MATN2: variants seen among roughly 807,000 people sequenced by gnomAD.
MATN2 encodes the protein matrilin-2.
Under a neutral mutation model 103.2 loss-of-function variants are expected in MATN2, and 69 were observed. That is an observed-to-expected ratio of 0.67 (90% CI 0.55 to 0.82). The LOEUF (loss-of-function observed/expected upper bound fraction) is 0.82. Ranked by LOEUF, MATN2 falls within the 40% of genes least tolerant of loss-of-function variation. The probability of loss-of-function intolerance (pLI) is 0.00; values close to 1 mark genes in which losing one functional copy is unlikely to be tolerated. For missense variants in MATN2, 1,023 were observed against 1,211.5 expected (o/e 0.84, Z 2.31); for synonymous variants, 429 against 450.2 (o/e 0.95, Z 0.60).
chr8:98,035,889 A>C lies in MATN2; in HGVS notation c.*177A>C. 2.4e-6 allele frequency: 1 copy of C among 415,574 alleles called. No individual in the cohort carries two copies. Among genetic ancestry groups the C allele is most frequent in the Non-Finnish European group, 4.3e-6 (1 of 230,866 alleles). The allele number at this position is 415,574 out of a possible 1,614,324, so 25.7% of individuals were successfully genotyped here. Reference sequence around the variant, plus strand: ...CAAGAAGTATACACTAACTTGTATAAATTTATCTAGGAAAAAAATCCTTCA... The same window carrying C: ...CAAGAAGTATACACTAACTTGTATACATTTATCTAGGAAAAAAATCCTTCA... On this transcript the variant is annotated 3_prime_UTR_variant, in exon 19 of 19. Coordinates refer to ENST00000254898, the MANE Select transcript of MATN2 (RefSeq NM_002380.5).
chr8:97,934,399 C>T (rs1361259576), intron 3 of MATN2, among the ~76,000 whole-genome samples: 1 of 152,170 alleles, frequency 6.6e-6, no homozygotes, highest in East Asian at 1.9e-4. Context: ...CACTGAGGAC[C>T]GATGGGCTAG....
Position 98,032,295 on chromosome 8 carries a change from A to G in MATN2, c.2559A>G (p.Pro853=). ...AGGACTCTCCAGCAGGGGAACTGCCAAAAACGGTCCAACAGCCAACAGGTA... is the reference window on the plus strand; with the variant it reads ...AGGACTCTCCAGCAGGGGAACTGCCGAAAACGGTCCAACAGCCAACAGGTA... ...GRQDSPAGEL[P]KTVQQPTESE... is the part of the protein sequence containing the mutation. Residue 853 remains proline, a synonymous_variant, in exon 16 of 19, where the codon CCA becomes CCG. Coordinates refer to ENST00000254898, the MANE Select transcript of MATN2 (RefSeq NM_002380.5). The G allele has an allele frequency of 3.1e-6, 5 of 1,611,410 alleles. No individual in the cohort carries two copies. The South Asian group carries it at 5.5e-5, about 18-fold the overall frequency.
intron 2 of MATN2, among the ~76,000 whole-genome samples, chr8:97,892,415 CAAAAAAA>C (rs35181049): frequency 1.9e-4 from 15 of 78,014 alleles, no homozygotes; most frequent in Admixed American, 1.7e-3. Context: ...GACCCTGTCT[CAAAAAAA>C]AAAAAAAAAA....
chr8:98,021,362 T>G, intron 13 of MATN2, 35 bp downstream of exon 13: 1 of 1,603,702 alleles, frequency 6.2e-7, no homozygotes, highest in Non-Finnish European at 8.5e-7. Flanking sequence ...TGCTTTAATT[T>G]TGTTTTGGAG....
chr8:97,968,569 T>A (rs1289479618), intron 5 of MATN2, among the ~76,000 whole-genome samples: 2 of 152,242 alleles, frequency 1.3e-5, no homozygotes, highest in Non-Finnish European at 2.9e-5. Flanking sequence ...CCCTCTTAAA[T>A]TCAAACTTCC....
At chr8:97,950,300 A>G (rs1810902342) in intron 4 of MATN2, among the ~76,000 whole-genome samples, 1 of 152,176 alleles carries the variant, frequency 6.6e-6, no homozygotes, top group African/African-American at 2.4e-5. Flanking sequence ...AGCAGGGATA[A>G]AGTATGGAGC....
At chr8:98,012,693 G>T (rs1030896564) in intron 10 of MATN2, among the ~76,000 whole-genome samples, 2 of 152,168 alleles carry the variant, frequency 1.3e-5, no homozygotes, top group African/African-American at 4.8e-5. Context: ...TTTGTCTTCT[G>T]AGAATCTGCC....
At chr8:97,902,928 G>A (rs112338475) in intron 2 of MATN2, among the ~76,000 whole-genome samples, 212 of 152,322 alleles carry the variant, frequency 1.4e-3, no homozygotes, top group African/African-American at 4.9e-3. Context: ...CCTTCTTGGT[G>A]CAGATGCTGG....
intron 1 of MATN2, among the ~76,000 whole-genome samples, chr8:97,882,684 C>G (rs563065240): frequency 6.6e-6 from 1 of 152,298 alleles, no homozygotes; most frequent in South Asian, 2.1e-4. Context: ...GTATGCACCA[C>G]CGTGCCGAGC....
rs1813079329 is a variant in MATN2, at chr8:98,009,287, T to A, written c.1573+1686T>A. 2.0e-5 allele frequency among the ~76,000 whole-genome samples: 3 copies of A among 152,186 alleles called. No homozygotes were observed. In the South Asian group the frequency reaches 6.2e-4, roughly 31 times the overall value. Reference sequence around the variant, plus strand: ...TCATTCTGACTGTCCTGTCCTGTAATAATGGGCTAGGTTTTCAGCGTGGCC... The same window carrying A: ...TCATTCTGACTGTCCTGTCCTGTAAAAATGGGCTAGGTTTTCAGCGTGGCC... On this transcript the variant is annotated intron_variant, in intron 10 of 18. Transcript: ENST00000254898.
At chr8:97,954,339 G>A (rs934805954) in intron 4 of MATN2, among the ~76,000 whole-genome samples, 3 of 152,078 alleles carry the variant, frequency 2.0e-5, no homozygotes, top group African/African-American at 2.4e-5. Context: ...CTCTCACCAC[G>A]CTCAACTCCC....
At chr8:97,882,418 G>T (rs1337850342) in intron 1 of MATN2, among the ~76,000 whole-genome samples, 2 of 151,278 alleles carry the variant, frequency 1.3e-5, no homozygotes, top group Admixed American at 1.3e-4. Flanking sequence ...TTGAGGCCGG[G>T]TCTTGCTCTG....
intron 4 of MATN2, among the ~76,000 whole-genome samples, chr8:97,944,944 T>C (rs1014880791): frequency 2.6e-5 from 4 of 152,256 alleles, no homozygotes; most frequent in Non-Finnish European, 5.9e-5. Flanking sequence ...CTCTAAGAAG[T>C]GCTTGCCATT....
chr8:98,013,421 C>T (rs1482199603), intron 10 of MATN2, among the ~76,000 whole-genome samples: 1 of 152,188 alleles, frequency 6.6e-6, no homozygotes, highest in Non-Finnish European at 1.5e-5. Context: ...CACAAAACCC[C>T]TGTGAGGTGG....
At chr8:97,906,910 C>T (rs192251991) in intron 2 of MATN2, among the ~76,000 whole-genome samples, 2 of 152,126 alleles carry the variant, frequency 1.3e-5, no homozygotes, top group Non-Finnish European at 1.5e-5. Context: ...TGAGTCTCAT[C>T]GCCCATTTTC....
intron 4 of MATN2, among the ~76,000 whole-genome samples, chr8:97,960,793 C>T (rs1356252920): frequency 6.6e-6 from 1 of 151,946 alleles, no homozygotes; most frequent in Non-Finnish European, 1.5e-5. Context: ...GTAATTCCAA[C>T]TTTGAAAAAT....
chr8:97,905,187 C>G (rs1031019468), intron 2 of MATN2, among the ~76,000 whole-genome samples: 1 of 152,114 alleles, frequency 6.6e-6, no homozygotes, highest in Non-Finnish European at 1.5e-5. Flanking sequence ...TAATTGGCCT[C>G]CTTTCTAATC....
Position 97,892,019 on chromosome 8 carries a change from T to C in MATN2, c.142+3777T>C, listed in dbSNP as rs1818649902. ...TGGGAGGCTGAGGTGGGCAGATCAC[T>C]TGAGGTCAGGAGTTTGAGACCAGCC... On this transcript the variant is annotated intron_variant, in intron 2 of 18. Coordinates refer to ENST00000254898, the MANE Select transcript of MATN2 (RefSeq NM_002380.5). Among the ~76,000 whole-genome samples, 7 of 152,076 alleles carry C rather than the reference T, an allele frequency of 4.6e-5. No individual in the cohort carries two copies. The South Asian group carries it at 1.2e-3, about 27-fold the overall frequency.
At chr8:97,922,071 A>G (rs1174437057) in intron 2 of MATN2, among the ~76,000 whole-genome samples, 1 of 152,104 alleles carries the variant, frequency 6.6e-6, no homozygotes, top group African/African-American at 2.4e-5. Context: ...AATCTAACTA[A>G]TGCCTGATGA....
Sources: allele counts gnomAD v4.1 joint callset (sites outside exome capture counted in the v4.1 genomes callset), GRCh38; gene constraint gnomAD v4.1.1; transcripts MANE v1.5; gene names NCBI Gene and HGNC (gene_info 2026-07-23, HGNC 2026-07-21).